The following ZC3H3 variants were observed in gnomAD, a reference collection of about 807,000 sequenced individuals.
The protein encoded by ZC3H3 is zinc finger CCCH domain-containing protein 3.
A neutral mutation model predicts 77.3 loss-of-function variants in ZC3H3; 36 were observed. The ratio of observed to expected loss-of-function variants is 0.47; its 90% CI spans 0.36 to 0.61. The LOEUF (loss-of-function observed/expected upper bound fraction) is 0.61, where lower values mean the gene tolerates loss of function less well. Among genes scored for constraint, ZC3H3 ranks in the 20% least tolerant of loss-of-function variants. The pLI is 0.00. For missense variants in ZC3H3, 1,331 were observed against 1,312.2 expected (o/e 1.01, Z -0.22); for synonymous variants, 626 against 555.2 (o/e 1.13, Z -1.79).
chr8:143,530,784 G>C lies in ZC3H3; in HGVS notation c.1561+5473C>G, dbSNP rs1290420838. ...AACACTGATTGCCACAGTTATGTGA[G>C]TGGCAAACAGGACACCATTTTTCAG... On this transcript the variant is annotated intron_variant, in intron 3 of 11. Coordinates refer to ENST00000262577, the MANE Select transcript of ZC3H3 (RefSeq NM_015117.3). This position sits in a 1 kb window ranked among gnomAD's most constrained non-coding sequence, Gnocchi z 4.3. Among the ~76,000 whole-genome samples the C allele has an allele frequency of 6.6e-6, 1 of 152,154 alleles. No individual in the cohort carries two copies. The highest frequency in any genetic ancestry group is 1.5e-5 in the Non-Finnish European group (1 of 68,026).
chr8:143,508,502 G>A (rs1053518906), intron 3 of ZC3H3, among the ~76,000 whole-genome samples: 1 of 152,236 alleles, frequency 6.6e-6, no homozygotes, highest in African/African-American at 2.4e-5. Flanking sequence ...CTTGCTGAAT[G>A]TTTCATGCAA....
intron 4 of ZC3H3, among the ~76,000 whole-genome samples, chr8:143,489,851 C>T (rs924041427): frequency 1.3e-5 from 2 of 152,150 alleles, no homozygotes; most frequent in Non-Finnish European, 1.5e-5. Context: ...CAAATTAAAC[C>T]GCGCCTGACT....
chr8:143,539,235 G>A lies in ZC3H3; in HGVS notation c.132C>T (p.Tyr44=), dbSNP rs1204284024. ...PAASGWQPPT[Y]HSGRAFSARY... ...GGGCACTAAAGGCTCTGCCACTGTG[G>A]TAAGTGGGTGGCTGCCACCCAGAAG... Residue 44 remains tyrosine, a synonymous_variant, in exon 2 of 12, where the codon TAC becomes TAT. Transcript: ENST00000262577. 6.2e-7 allele frequency: 1 copy of A among 1,612,794 alleles called. No individual in the cohort carries two copies. Among genetic ancestry groups the A allele is most frequent in the Non-Finnish European group, 8.5e-7 (1 of 1,180,042 alleles).
At chr8:143,527,402 C>A (rs757579987) in intron 3 of ZC3H3, among the ~76,000 whole-genome samples, 3 of 152,140 alleles carry the variant, frequency 2.0e-5, no homozygotes, top group African/African-American at 7.2e-5. Flanking sequence ...TTCTGGCTCT[C>A]CTGAGAACGC....
rs1027893822 is a variant in ZC3H3, at chr8:143,462,506, G to A, written c.2307+3211C>T. Among the ~76,000 whole-genome samples, 7 of 152,208 alleles carry A rather than the reference G, an allele frequency of 4.6e-5. No individual in the cohort carries two copies. The highest frequency in any genetic ancestry group is 2.1e-4 in the South Asian group (1 of 4,828). ...GTATGTGAACAAAACCAAGACAGGC[G>A]CTGTCCAGAGGACACAGGAGCCCTT... On this transcript the variant is annotated intron_variant, in intron 9 of 11. Transcript: ENST00000262577. The surrounding 1 kb of genome is among the most constrained non-coding windows in gnomAD (Gnocchi z 4.7).
At chr8:143,478,246 C>T (rs1362764474) in intron 4 of ZC3H3, among the ~76,000 whole-genome samples, 1 of 152,218 alleles carries the variant, frequency 6.6e-6, no homozygotes, top group Non-Finnish European at 1.5e-5. Flanking sequence ...GGGGACAGGC[C>T]ACCACCCACT....
chr8:143,541,160 G>A (rs1823000340), intron 1 of ZC3H3, among the ~76,000 whole-genome samples: 2 of 152,306 alleles, frequency 1.3e-5, no homozygotes, highest in South Asian at 4.1e-4. Context: ...TGCAGCCCCA[G>A]CAGGGCCGGC....
At chr8:143,497,941 A>T (rs980939463) in intron 4 of ZC3H3, among the ~76,000 whole-genome samples, 1 of 152,170 alleles carries the variant, frequency 6.6e-6, no homozygotes, top group South Asian at 2.1e-4. Flanking sequence ...TCTGCCTGGC[A>T]GGCACCACAG....
chr8:143,478,291 G>A (rs1217882167), intron 4 of ZC3H3, among the ~76,000 whole-genome samples: 1 of 152,192 alleles, frequency 6.6e-6, no homozygotes, highest in Non-Finnish European at 1.5e-5. Context: ...CCGGATGGAG[G>A]GCGAGGCCCG....
In ZC3H3 at chr8:143,497,789, G is replaced by A. The variant is rs376190; in HGVS notation, c.1715+9957C>T. Reference sequence around the variant, plus strand: ...AGTCCAGGTCCCCTCAGTGGTCTCCGGGTCTCACGTGTGTTATCTGGGCCG... The same window carrying A: ...AGTCCAGGTCCCCTCAGTGGTCTCCAGGTCTCACGTGTGTTATCTGGGCCG... On this transcript the variant is annotated intron_variant, in intron 4 of 11. Transcript: ENST00000262577. 8.5e-3 allele frequency among the ~76,000 whole-genome samples: 1,290 copies of A among 152,302 alleles called. 9 individuals carry two copies. The highest frequency in any genetic ancestry group is 0.029 in the African/African-American group (1,222 of 41,568).
chr8:143,490,499 G>A (rs1200746190), intron 4 of ZC3H3, among the ~76,000 whole-genome samples: 5 of 152,248 alleles, frequency 3.3e-5, no homozygotes, highest in African/African-American at 9.6e-5. Context: ...GTGGGGCCCT[G>A]GGACAAGGTA....
chr8:143,488,386 C>G (rs56775479), intron 4 of ZC3H3, among the ~76,000 whole-genome samples: 1,273 of 53,866 alleles, frequency 0.024, 2 homozygotes, highest in Admixed American at 0.03. Flanking sequence ...ACGAAGCTCA[C>G]ACACAGAACA....
At position 143,530,956 on chromosome 8, in the gene ZC3H3, C is replaced by CTTTTTT. The variant is rs3058418; in HGVS notation, c.1561+5295_1561+5300dup. Among the ~76,000 whole-genome samples, 1 of 133,524 alleles carries CTTTTTT rather than the reference C, an allele frequency of 7.5e-6. No individual in the cohort carries two copies. Among genetic ancestry groups the CTTTTTT allele is most frequent in the Non-Finnish European group, 1.6e-5 (1 of 62,634 alleles). 87.6% of individuals were successfully genotyped at this position (133,524 alleles called of 152,430 possible). ...CCCTTCTGGGGCTGTCTTCTATCTC[C>CTTTTTT]TTTTTTTTTTTTTTTTTTTTTGAGA... On this transcript the variant is annotated intron_variant, in intron 3 of 11. Coordinates refer to ENST00000262577, the MANE Select transcript of ZC3H3 (RefSeq NM_015117.3). This position sits in a 1 kb window ranked among gnomAD's most constrained non-coding sequence, Gnocchi z 4.3.
At chr8:143,475,111 C>G (rs1440811434) in intron 5 of ZC3H3, among the ~76,000 whole-genome samples, 1 of 152,262 alleles carries the variant, frequency 6.6e-6, no homozygotes, top group Non-Finnish European at 1.5e-5. Context: ...CTGGCACCCT[C>G]CATTCTCCGG....
chr8:143,518,354 G>A (rs374793163), intron 3 of ZC3H3, among the ~76,000 whole-genome samples: 18 of 152,186 alleles, frequency 1.2e-4, no homozygotes, highest in East Asian at 3.9e-4. Context: ...CGGGCGGCAC[G>A]GAGACCCAGC....
intron 4 of ZC3H3, among the ~76,000 whole-genome samples, chr8:143,477,184 G>A (rs557187760): frequency 6.6e-6 from 1 of 152,356 alleles, no homozygotes; most frequent in Non-Finnish European, 1.5e-5. Context: ...GCCCATTAGA[G>A]AGAGAATGGG....
rs1820245820 is a variant in ZC3H3, at chr8:143,460,957, C to T, written c.2307+4760G>A. 2.0e-5 allele frequency among the ~76,000 whole-genome samples: 3 copies of T among 152,030 alleles called. No individual in the cohort carries two copies. Among genetic ancestry groups the T allele is most frequent in the South Asian group, 2.1e-4 (1 of 4,824 alleles). On this transcript the variant is annotated intron_variant, in intron 9 of 11. Coordinates refer to ENST00000262577, the MANE Select transcript of ZC3H3 (RefSeq NM_015117.3). This position sits in a 1 kb window ranked among gnomAD's most constrained non-coding sequence, Gnocchi z 4.0. ...AGGTGTCTAACTAGGGTTTGGGAAG[C>T]GGGGAGTGGAGAGTCATTGCTGAAT... is the stretch of plus-strand genomic sequence containing the variant.
At position 143,509,241 on chromosome 8, in the gene ZC3H3, C is replaced by A. The variant is rs553149917; in HGVS notation, c.1562-1342G>T. Among the ~76,000 whole-genome samples, 267 of 152,352 alleles carry A rather than the reference C, an allele frequency of 1.8e-3. 1 individual carries two copies. Among genetic ancestry groups the A allele is most frequent in the Non-Finnish European group, 3.1e-3 (208 of 68,032 alleles). ...TGCCGATTGTATTTTCAAGGTCTTA[C>A]AAACAAGGAGAAACCAGCAAAAAAA... is the stretch of plus-strand genomic sequence containing the variant. On this transcript the variant is annotated intron_variant, in intron 3 of 11. Coordinates refer to ENST00000262577, the MANE Select transcript of ZC3H3 (RefSeq NM_015117.3).
intron 4 of ZC3H3, among the ~76,000 whole-genome samples, chr8:143,496,078 A>T (rs1391115297): frequency 6.6e-6 from 1 of 152,208 alleles, no homozygotes. Flanking sequence ...GAGCAGACAG[A>T]CTGAGGGTGA....
Sources: allele counts gnomAD v4.1 joint callset (sites outside exome capture counted in the v4.1 genomes callset), GRCh38; gene constraint gnomAD v4.1.1; non-coding constraint Gnocchi (gnomAD v3.1); transcripts MANE v1.5; gene names NCBI Gene and HGNC (gene_info 2026-07-23, HGNC 2026-07-21).